AFF3: variants seen among roughly 807,000 people sequenced by gnomAD.
AFF3 encodes AF4/FMR2 family member 3.
Under a neutral mutation model 129.7 loss-of-function variants are expected in AFF3, and 32 were observed. The ratio of observed to expected loss-of-function variants is 0.25; its 90% CI spans 0.19 to 0.33. The LOEUF (loss-of-function observed/expected upper bound fraction) is 0.33. AFF3 is among the 10% of genes least tolerant of loss of function. The pLI is 1.00. For missense variants in AFF3, 1,373 were observed against 1,592.0 expected (o/e 0.86, Z 2.34); for synonymous variants, 644 against 635.4 (o/e 1.01, Z -0.20).
intron 7 of AFF3, among the ~76,000 whole-genome samples, chr2:99,868,164 G>T (rs1324223247): frequency 1.3e-5 from 2 of 152,030 alleles, no homozygotes; most frequent in Non-Finnish European, 2.9e-5. Context: ...GAAGAAAAAA[G>T]AAATGCTGTA....
At chr2:99,695,059 T>A (rs1407402341) in intron 11 of AFF3, among the ~76,000 whole-genome samples, 1 of 152,134 alleles carries the variant, frequency 6.6e-6, no homozygotes, top group Non-Finnish European at 1.5e-5. Flanking sequence ...TAAATTTTAA[T>A]AATATATTTC....
At chr2:99,998,710 A>G (rs1011934956) in intron 7 of AFF3, among the ~76,000 whole-genome samples, 2 of 152,182 alleles carry the variant, frequency 1.3e-5, no homozygotes, top group African/African-American at 4.8e-5. Context: ...CTCAGGAGAC[A>G]TACACGGCTT....
chr2:99,811,829 CT>C (rs1354429027), intron 8 of AFF3, among the ~76,000 whole-genome samples: 6 of 152,250 alleles, frequency 3.9e-5, no homozygotes, highest in African/African-American at 1.4e-4. Context: ...CGCTTTATGT[CT>C]GCATATTTTC....
At position 99,597,041 on chromosome 2, in the gene AFF3, A is replaced by G. The variant is rs375055605; in HGVS notation, c.1372-2752T>C. Among the ~76,000 whole-genome samples the G allele has an allele frequency of 4.3e-4, 66 of 152,328 alleles. 1 individual carries two copies. The highest frequency in any genetic ancestry group is 1.6e-3 in the African/African-American group (65 of 41,576). ...GTTTAACTCCCACTTCATGTGTATT[A>G]TCTCATTTAATCTTTACAGATAAGA... is the stretch of plus-strand genomic sequence containing the variant. On this transcript the variant is annotated intron_variant, in intron 14 of 24. Coordinates refer to ENST00000672756, the MANE Select transcript of AFF3 (RefSeq NM_001386135.1).
rs1175133850 is a variant in AFF3 at position 99,594,165 on chromosome 2, G to T, written c.1496C>A (p.Pro499Gln). 1.9e-6 allele frequency: 3 copies of T among 1,614,122 alleles called. No homozygotes were observed. In the Admixed American group the frequency reaches 5.0e-5, roughly 27 times the overall value. Residue 499 changes from proline (P) to glutamine (Q), a missense_variant, in exon 15 of 25, where the codon CCG becomes CAG. Coordinates refer to ENST00000672756, the MANE Select transcript of AFF3 (RefSeq NM_001386135.1). ...HGSESNQYYN[P>Q]VKEDVQDCGK... Reference sequence around the variant, plus strand: ...ACAGTCCTGGACGTCCTCTTTCACCGGGTTGTAGTACTGATTGCTCTCTGA... The same window carrying T: ...ACAGTCCTGGACGTCCTCTTTCACCTGGTTGTAGTACTGATTGCTCTCTGA...
In AFF3 at chr2:99,650,796, A is replaced by ATGTGTGTGTGTGTGTG. The variant is rs142082185; in HGVS notation, c.1144-1146_1144-1131dup. Among the ~76,000 whole-genome samples the ATGTGTGTGTGTGTGTG allele has an allele frequency of 9.0e-3, 1,307 of 144,796 alleles. 12 individuals are homozygous for ATGTGTGTGTGTGTGTG. Among genetic ancestry groups the ATGTGTGTGTGTGTGTG allele is most frequent in the Non-Finnish European group, 0.013 (830 of 65,796 alleles). 95.0% of individuals were successfully genotyped at this position (144,796 alleles called of 152,430 possible). A position where few individuals can be genotyped will look rare whatever the true frequency, so the allele number is the denominator to read the frequency against. ...TTGTTTTTTTCTTCTACTAAAATTA[A>ATGTGTGTGTGTGTGTG]TGTGTGTGTGTGTGTGTGTGTGTGT... On this transcript the variant is annotated intron_variant, in intron 12 of 24. Transcript: ENST00000672756.
At chr2:99,979,354 A>C (rs780783340) in intron 7 of AFF3, among the ~76,000 whole-genome samples, 28 of 152,332 alleles carry the variant, frequency 1.8e-4, no homozygotes, top group Non-Finnish European at 3.7e-4. Context: ...TCCAAAGCTC[A>C]GAACAGCTAT....
intron 13 of AFF3, among the ~76,000 whole-genome samples, chr2:99,649,227 T>C (rs1425452864): frequency 6.6e-6 from 1 of 152,146 alleles, no homozygotes; most frequent in Non-Finnish European, 1.5e-5. Flanking sequence ...GAGAGAATCT[T>C]ATCAAAAGAT....
At chr2:99,839,600 CT>C (rs201446516) in intron 7 of AFF3, among the ~76,000 whole-genome samples, 42 of 150,510 alleles carry the variant, frequency 2.8e-4, no homozygotes, top group Admixed American at 6.7e-5. Context: ...TCTGCATTTT[CT>C]TTTTTTTCTT....
intron 8 of AFF3, among the ~76,000 whole-genome samples, chr2:99,797,628 T>C (rs1407298236): frequency 1.3e-5 from 2 of 152,038 alleles, no homozygotes; most frequent in Non-Finnish European, 2.9e-5. Context: ...GGACAAAGTA[T>C]AATCAAATTG....
chr2:99,874,859 G>A (rs1320149993), intron 7 of AFF3, among the ~76,000 whole-genome samples: 1 of 152,078 alleles, frequency 6.6e-6, no homozygotes, highest in Non-Finnish European at 1.5e-5. Context: ...TAGCAGTAAA[G>A]GGGCATGATG....
chr2:100,137,097 T>C (rs891329746), intron 1 of AFF3, among the ~76,000 whole-genome samples: 2 of 152,244 alleles, frequency 1.3e-5, no homozygotes, highest in African/African-American at 4.8e-5. Flanking sequence ...TACAAACAGA[T>C]TGCAACACCT....
At chr2:99,687,376 G>A (rs907249854) in intron 11 of AFF3, among the ~76,000 whole-genome samples, 2 of 152,200 alleles carry the variant, frequency 1.3e-5, no homozygotes, top group African/African-American at 2.4e-5. Flanking sequence ...GAAATGTCCC[G>A]GTATGGCAGG....
chr2:99,823,636 A>T (rs916128091), intron 8 of AFF3, among the ~76,000 whole-genome samples: 4 of 152,142 alleles, frequency 2.6e-5, no homozygotes, highest in Non-Finnish European at 5.9e-5. Context: ...AAAGATACTT[A>T]AAAAAATGAG....
chr2:99,765,999 T>C (rs1459352927), intron 8 of AFF3, among the ~76,000 whole-genome samples: 1 of 152,182 alleles, frequency 6.6e-6, no homozygotes, highest in African/African-American at 2.4e-5. Context: ...CTCTACAGAT[T>C]AGAAGCTTTG....
chr2:99,859,055 C>T (rs1376420893), intron 7 of AFF3, among the ~76,000 whole-genome samples: 1 of 152,188 alleles, frequency 6.6e-6, no homozygotes, highest in Admixed American at 6.5e-5. Flanking sequence ...GAAGAACTGC[C>T]AAAATAAAGC....
At chr2:99,852,282 T>C (rs902503578) in intron 7 of AFF3, among the ~76,000 whole-genome samples, 3 of 152,076 alleles carry the variant, frequency 2.0e-5, no homozygotes, top group Non-Finnish European at 2.9e-5. Context: ...AATCCCACTG[T>C]GCCCCCAAAG....
intron 13 of AFF3, among the ~76,000 whole-genome samples, chr2:99,620,076 G>T (rs964157656): frequency 6.6e-6 from 1 of 152,146 alleles, no homozygotes; most frequent in Non-Finnish European, 1.5e-5. Context: ...TCCAGTAATG[G>T]GATCCTGGGT....
intron 11 of AFF3, among the ~76,000 whole-genome samples, chr2:99,714,836 T>C (rs1401212268): frequency 1.3e-5 from 2 of 152,248 alleles, no homozygotes; most frequent in Non-Finnish European, 2.9e-5. Flanking sequence ...AAGATAGTGC[T>C]ACAATGAGCT....
Sources: gnomAD v4.1 joint callset for allele counts (sites outside exome capture counted in the v4.1 genomes callset) on GRCh38, gnomAD v4.1.1 for gene constraint, MANE v1.5 for transcripts, NCBI Gene and HGNC (gene_info 2026-07-23, HGNC 2026-07-21) for gene names.